Variants in LRRC38 observed in about 807,000 individuals in gnomAD.
The protein encoded by LRRC38 is leucine-rich repeat-containing protein 38.
LRRC38 carries 5 observed loss-of-function variants against 16.4 expected under a neutral mutation model. That is an observed-to-expected ratio of 0.31 (90% CI 0.16 to 0.64). The LOEUF (loss-of-function observed/expected upper bound fraction) is 0.64. Among genes scored for constraint, LRRC38 ranks in the 30% least tolerant of loss-of-function variants. LRRC38 has a pLI of 0.80. For synonymous variants in LRRC38, 191 were observed against 190.2 expected, an observed-to-expected ratio of 1.00 and a Z score of -0.04; for missense variants, 341 against 401.8, an observed-to-expected ratio of 0.85 and a Z score of 1.29.
At chr1:13,508,768 C>T (rs994089527) in intron 1 of LRRC38, among the ~76,000 whole-genome samples, 4 of 152,092 alleles carry the variant, frequency 2.6e-5, no homozygotes, top group South Asian at 2.1e-4. Flanking sequence ...TTCAGGCAAG[C>T]GCCGGGTTTG....
chr1:13,513,276 G>C lies in LRRC38; in HGVS notation c.318C>G (p.Leu106=), dbSNP rs776864586. 1.3e-6 allele frequency: 2 copies of C among 1,550,502 alleles called. No homozygotes were observed. Among genetic ancestry groups the C allele is most frequent in the African/African-American group, 1.4e-5 (1 of 73,152 alleles). Reference sequence around the variant, plus strand: ...TGTTGTAGCTGAGGTCGAGGAACACGAGCTTGGCCGAGCCGCTGAACGTGC... The same window carrying C: ...TGTTGTAGCTGAGGTCGAGGAACACCAGCTTGGCCGAGCCGCTGAACGTGC... The part of the protein sequence containing the change: ...EEGTFSGSAK[L]VFLDLSYNNL... The change falls in exon 1 of 2, where the codon CTC becomes CTG. Residue 106 remains leucine, a synonymous_variant. Coordinates refer to ENST00000376085, the MANE Select transcript of LRRC38 (RefSeq NM_001010847.2).
intron 1 of LRRC38, among the ~76,000 whole-genome samples, chr1:13,493,073 G>A (rs1016529193): frequency 5.3e-5 from 8 of 152,166 alleles, no homozygotes; most frequent in African/African-American, 1.2e-4. Context: ...TCTCACCCTC[G>A]GCTCACGAAG....
At chr1:13,499,733 C>A (rs753169057) in intron 1 of LRRC38, among the ~76,000 whole-genome samples, 1 of 152,170 alleles carries the variant, frequency 6.6e-6, no homozygotes, top group Non-Finnish European at 1.5e-5. Flanking sequence ...GGGGAGCAGG[C>A]AGTTAGTTAC....
At chr1:13,504,726 GGGGAGGGGAGGGGAA>G (rs1161713256) in intron 1 of LRRC38, among the ~76,000 whole-genome samples, 4 of 116,212 alleles carry the variant, frequency 3.4e-5, no homozygotes, top group African/African-American at 1.4e-4. Context: ...GTGTTGAAGG[GGGGAGGGGAGGGGAA>G]GGGAGGGGAG....
intron 1 of LRRC38, among the ~76,000 whole-genome samples, chr1:13,506,880 G>C (rs901655271): frequency 3.9e-5 from 6 of 152,214 alleles, no homozygotes; most frequent in African/African-American, 1.4e-4. Flanking sequence ...GCAGCCACTT[G>C]GCTTAAAGGG....
intron 1 of LRRC38, among the ~76,000 whole-genome samples, chr1:13,504,085 T>C (rs1007382712): frequency 6.6e-6 from 1 of 152,252 alleles, no homozygotes; most frequent in African/African-American, 2.4e-5. Context: ...TCTGTATACG[T>C]ATCTGGTCTG....
Position 13,513,168 on chromosome 1 carries a change from G to A in LRRC38, c.426C>T (p.Gly142=), listed in dbSNP as rs553608233. 4 of 1,550,402 alleles carry A rather than the reference G, an allele frequency of 2.6e-6. No homozygotes were observed. The highest frequency in any genetic ancestry group is 2.6e-6 in the Non-Finnish European group (3 of 1,146,958). The part of the protein sequence containing the change: ...KLSLANNNLV[G]VHEDAFETLE... Reference sequence around the variant, plus strand: ...GGGTCTCGAAGGCGTCCTCGTGCACGCCCACCAGGTTGTTGTTAGCCAGGC... The same window carrying A: ...GGGTCTCGAAGGCGTCCTCGTGCACACCCACCAGGTTGTTGTTAGCCAGGC... The change falls in exon 1 of 2, where the codon GGC becomes GGT. Residue 142 remains glycine (G), a synonymous_variant. Coordinates refer to ENST00000376085, the MANE Select transcript of LRRC38 (RefSeq NM_001010847.2).
At chr1:13,503,978 G>A (rs939229744) in intron 1 of LRRC38, among the ~76,000 whole-genome samples, 3 of 152,208 alleles carry the variant, frequency 2.0e-5, no homozygotes, top group Admixed American at 6.5e-5. Flanking sequence ...GCCAAGAGCC[G>A]CTGGGAGGAT....
chr1:13,482,292 C>T (rs997344281), intron 1 of LRRC38, among the ~76,000 whole-genome samples: 1 of 151,914 alleles, frequency 6.6e-6, no homozygotes, highest in Non-Finnish European at 1.5e-5. Flanking sequence ...AAGTGCAAAG[C>T]CTGGCCAGGC....
chr1:13,499,965 G>C (rs1051423779), intron 1 of LRRC38, among the ~76,000 whole-genome samples: 2 of 152,074 alleles, frequency 1.3e-5, no homozygotes, highest in African/African-American at 4.8e-5. Flanking sequence ...TAGCTACAAA[G>C]ATTGGCTGGG....
chr1:13,513,789 A>C lies in LRRC38; in HGVS notation c.-196T>G, dbSNP rs1639306783. 1.0e-5 allele frequency: 1 copy of C among 97,946 alleles called. No homozygotes were observed. Among genetic ancestry groups the C allele is most frequent in the Non-Finnish European group, 2.1e-5 (1 of 48,268 alleles). 6.1% of individuals were successfully genotyped at this position (97,946 alleles called of 1,614,324 possible). On this transcript the variant is annotated 5_prime_UTR_variant, in exon 1 of 2. Transcript: ENST00000376085. ...GGACTGGGGAGCCGGGACAGCAGGG[A>C]TGGAGAGGGGAGGGGCGGGGAGGGA...
rs1326265735 is a variant in LRRC38, at chr1:13,476,063, C to T, written c.668G>A (p.Ser223Asn). 13 of 1,550,442 alleles carry T rather than the reference C, an allele frequency of 8.4e-6. No homozygotes were observed. The highest frequency in any genetic ancestry group is 1.2e-5 in the South Asian group (1 of 84,046). ...CAGCTCACGCAGGGATATCCTCCTG[C>T]TCTCCATGGGCAGGGAGCACTGGAT... ...DEIQCSLPME[S>N]RRISLRELSE... is the part of the protein sequence containing the mutation. The change falls in exon 2 of 2, where the codon AGC becomes AAC. Residue 223 changes from serine to asparagine, a missense_variant. Physicochemically the swap from Ser to Asn is conservative, Grantham distance 46. Coordinates refer to ENST00000376085, the MANE Select transcript of LRRC38 (RefSeq NM_001010847.2).
chr1:13,492,638 G>A (rs1320819706), intron 1 of LRRC38, among the ~76,000 whole-genome samples: 1 of 152,030 alleles, frequency 6.6e-6, no homozygotes, highest in Non-Finnish European at 1.5e-5. Flanking sequence ...GGAGATGGAG[G>A]TTACAGTGAG....
In LRRC38 at chr1:13,483,980, CAT is replaced by C. The variant is rs148912683; in HGVS notation, c.632-7883_632-7882del. Among the ~76,000 whole-genome samples, 640 of 151,914 alleles carry C rather than the reference CAT, an allele frequency of 4.2e-3. 5 individuals carry two copies. Among genetic ancestry groups the C allele is most frequent in the African/African-American group, 0.015 (612 of 41,404 alleles). On this transcript the variant is annotated intron_variant, in intron 1 of 1. Coordinates refer to ENST00000376085, the MANE Select transcript of LRRC38 (RefSeq NM_001010847.2). ...GGGGAGAGGAGAGGGAGCGAGTACG[CAT>C]GTGTGTGTGGAGAGAGATTTATTAC...
intron 1 of LRRC38, among the ~76,000 whole-genome samples, chr1:13,512,084 G>A (rs572218501): frequency 2.0e-5 from 3 of 152,208 alleles, no homozygotes; most frequent in Non-Finnish European, 4.4e-5. Flanking sequence ...AGAGGTCACT[G>A]CGGGCACTGG....
At chr1:13,501,445 G>C (rs1639147951) in intron 1 of LRRC38, among the ~76,000 whole-genome samples, 1 of 151,588 alleles carries the variant, frequency 6.6e-6, no homozygotes, top group East Asian at 1.9e-4. Context: ...ATCTCACTCT[G>C]TTGCCCAGGC....
Position 13,487,372 on chromosome 1 carries a change from G to A in LRRC38, c.632-11273C>T, listed in dbSNP as rs79112430. Among the ~76,000 whole-genome samples, 853 of 152,256 alleles carry A rather than the reference G, an allele frequency of 5.6e-3. 9 individuals are homozygous for A. Among genetic ancestry groups the A allele is most frequent in the African/African-American group, 0.019 (809 of 41,552 alleles). ...TGGCATGAGGGCTTTGGGAGGCAGC[G>A]GGAGTGATGCAGCTCACCTCCCCAC... On this transcript the variant is annotated intron_variant, in intron 1 of 1. Transcript: ENST00000376085. This position sits in a 1 kb window ranked among gnomAD's most constrained non-coding sequence, Gnocchi z 4.4.
At chr1:13,486,565 C>T (rs1638937448) in intron 1 of LRRC38, among the ~76,000 whole-genome samples, 1 of 151,792 alleles carries the variant, frequency 6.6e-6, no homozygotes, top group South Asian at 2.1e-4. Flanking sequence ...CATCTCTCAC[C>T]CATTAAATAT....
chr1:13,498,511 G>A (rs925386560), intron 1 of LRRC38, among the ~76,000 whole-genome samples: 1 of 151,920 alleles, frequency 6.6e-6, no homozygotes, highest in Admixed American at 6.6e-5. Flanking sequence ...CATGCCTGTA[G>A]TCCCAGCTAC....
Sources: allele counts gnomAD v4.1 joint callset (sites outside exome capture counted in the v4.1 genomes callset), GRCh38; gene constraint gnomAD v4.1.1; non-coding constraint Gnocchi (gnomAD v3.1); transcripts MANE v1.5; gene names NCBI Gene and HGNC (gene_info 2026-07-23, HGNC 2026-07-21).